Variants in CSMD1 observed in about 807,000 individuals in gnomAD.
CSMD1 encodes the protein CUB and sushi domain-containing protein 1.
Under a neutral mutation model 417.5 loss-of-function variants are expected in CSMD1, and 213 were observed. The observed-to-expected ratio is 0.51, with a 90% CI of 0.46 to 0.57. CSMD1 has a LOEUF of 0.57. Ranked by LOEUF, CSMD1 falls within the 20% of genes least tolerant of loss-of-function variation. CSMD1 has a pLI of 0.00. For synonymous variants in CSMD1, 2,862 were observed against 1,736.8 expected (o/e 1.65, Z -16.11); for missense variants, 6,923 against 4,529.7 (o/e 1.53, Z -15.17).
intron 1 of CSMD1, among the ~76,000 whole-genome samples, chr8:4,910,753 T>C (rs1340720726): frequency 6.6e-6 from 1 of 152,198 alleles, no homozygotes; most frequent in Non-Finnish European, 1.5e-5. Flanking sequence ...TAATTATATA[T>C]TGTCTCACCC....
At chr8:4,457,436 C>G (rs968207800) in intron 2 of CSMD1, among the ~76,000 whole-genome samples, 9 of 151,978 alleles carry the variant, frequency 5.9e-5, no homozygotes, top group African/African-American at 1.9e-4. Context: ...AGGGAAAAAA[C>G]AAACATAATG....
At chr8:3,753,568 G>A (rs1449478895) in intron 6 of CSMD1, among the ~76,000 whole-genome samples, 1 of 152,108 alleles carries the variant, frequency 6.6e-6, no homozygotes, top group Non-Finnish European at 1.5e-5. Context: ...GCATTTTCAT[G>A]CAACCTATAT....
chr8:4,370,791 C>G (rs1339295785), intron 3 of CSMD1, among the ~76,000 whole-genome samples: 2 of 152,168 alleles, frequency 1.3e-5, no homozygotes, highest in Non-Finnish European at 2.9e-5. Flanking sequence ...CAGTTTGGTT[C>G]TTTCTTAAAA....
chr8:4,695,095 T>C (rs1332231760), intron 1 of CSMD1, among the ~76,000 whole-genome samples: 1 of 152,166 alleles, frequency 6.6e-6, no homozygotes, highest in East Asian at 1.9e-4. Flanking sequence ...CAACTCATCA[T>C]CACTTAAGCC....
chr8:4,031,668 T>A (rs940149), intron 4 of CSMD1, among the ~76,000 whole-genome samples: 112,300 of 152,206 alleles, frequency 0.74, 41,843 homozygotes, highest in South Asian at 0.82. Flanking sequence ...ATATTATTAC[T>A]TATCACATGT....
chr8:3,772,018 A>G (rs1798599211), intron 5 of CSMD1, among the ~76,000 whole-genome samples: 1 of 151,774 alleles, frequency 6.6e-6, no homozygotes, highest in Non-Finnish European at 1.5e-5. Flanking sequence ...CCTCCTTTGA[A>G]ATGGATCTAA....
chr8:4,254,809 C>T (rs185644365), intron 3 of CSMD1, among the ~76,000 whole-genome samples: 2 of 152,192 alleles, frequency 1.3e-5, no homozygotes, highest in East Asian at 3.9e-4. Flanking sequence ...CAGGCTGCAC[C>T]CCAGAGCCTA....
intron 2 of CSMD1, among the ~76,000 whole-genome samples, chr8:4,599,735 T>G (rs1160110215): frequency 6.6e-6 from 1 of 152,180 alleles, no homozygotes; most frequent in Non-Finnish European, 1.5e-5. Flanking sequence ...CCAGCTTTCT[T>G]TAATTCCAAA....
At chr8:4,526,184 G>A (rs1418036068) in intron 2 of CSMD1, among the ~76,000 whole-genome samples, 1 of 152,178 alleles carries the variant, frequency 6.6e-6, no homozygotes, top group Non-Finnish European at 1.5e-5. Flanking sequence ...TTTTTGAGTA[G>A]AAACTTTGTA....
At chr8:4,594,765 C>G (rs1219373550) in intron 2 of CSMD1, among the ~76,000 whole-genome samples, 1 of 152,144 alleles carries the variant, frequency 6.6e-6, no homozygotes, top group African/African-American at 2.4e-5. Context: ...CCTCCCCAGG[C>G]TCTAAGCTAT....
At chr8:3,330,225 C>A (rs922637574) in intron 23 of CSMD1, among the ~76,000 whole-genome samples, 6 of 152,162 alleles carry the variant, frequency 3.9e-5, no homozygotes, top group African/African-American at 1.4e-4. Context: ...AATGAAGGAA[C>A]ATATGGTTAA....
chr8:3,486,461 T>C (rs904024631), intron 11 of CSMD1, among the ~76,000 whole-genome samples: 6 of 152,230 alleles, frequency 3.9e-5, no homozygotes, highest in East Asian at 1.9e-4. Context: ...TTAAATGCTT[T>C]TGACTGATGA....
At chr8:4,777,982 T>G (rs776452686) in intron 1 of CSMD1, among the ~76,000 whole-genome samples, 3 of 152,212 alleles carry the variant, frequency 2.0e-5, no homozygotes, top group Non-Finnish European at 4.4e-5. Context: ...GGGTTAAGCT[T>G]TTGGTTTCAT....
intron 1 of CSMD1, among the ~76,000 whole-genome samples, chr8:4,713,526 C>T (rs74781109): frequency 1.3e-5 from 2 of 152,238 alleles, no homozygotes; most frequent in East Asian, 1.9e-4. Context: ...CTCAGCCTCC[C>T]GGGTAGCTGG....
rs895708355 is a variant in CSMD1, at chr8:3,812,766, C to G, written c.819-58724G>C. 3.3e-5 allele frequency among the ~76,000 whole-genome samples: 5 copies of G among 152,296 alleles called. No homozygotes were observed. In the East Asian group the frequency reaches 7.7e-4, roughly 24 times the overall value. ...CCCAAGTCTTGCCTATTTTAATTAACCAAGGGTCAATGTATAGTAGCTATT... is the reference window on the plus strand; with the variant it reads ...CCCAAGTCTTGCCTATTTTAATTAAGCAAGGGTCAATGTATAGTAGCTATT... On this transcript the variant is annotated intron_variant, in intron 5 of 69. Coordinates refer to ENST00000635120, the MANE Select transcript of CSMD1 (RefSeq NM_033225.6).
chr8:4,668,200 G>C (rs554631919), intron 1 of CSMD1, among the ~76,000 whole-genome samples: 1 of 151,858 alleles, frequency 6.6e-6, no homozygotes, highest in African/African-American at 2.4e-5. Flanking sequence ...TTCTGTTATG[G>C]CTTCTGATCC....
intron 23 of CSMD1, among the ~76,000 whole-genome samples, chr8:3,312,823 G>A (rs1037271408): frequency 1.3e-5 from 2 of 151,920 alleles, no homozygotes; most frequent in African/African-American, 4.8e-5. Context: ...CTTCAATCTG[G>A]TGTTTCAGAC....
At chr8:3,177,925 G>C (rs1288246778) in intron 37 of CSMD1, among the ~76,000 whole-genome samples, 2 of 152,206 alleles carry the variant, frequency 1.3e-5, no homozygotes, top group South Asian at 4.1e-4. Flanking sequence ...CTTTAGAAAA[G>C]AACGCAGAAC....
intron 3 of CSMD1, among the ~76,000 whole-genome samples, chr8:4,369,841 G>A (rs1267121702): frequency 6.6e-5 from 10 of 152,210 alleles, no homozygotes; most frequent in Non-Finnish European, 1.2e-4. Flanking sequence ...CTTGTAAGAC[G>A]AGTATCTGGA....
Sources: allele counts gnomAD v4.1 joint callset (sites outside exome capture counted in the v4.1 genomes callset), GRCh38; gene constraint gnomAD v4.1.1; transcripts MANE v1.5; gene names NCBI Gene and HGNC (gene_info 2026-07-23, HGNC 2026-07-21).